Variants in SCAPER observed in about 807,000 individuals in gnomAD.
The protein encoded by SCAPER is S-phase cyclin A associated protein in the ER, also known as S phase cyclin A-associated protein in the endoplasmic reticulum.
A neutral mutation model predicts 182.2 loss-of-function variants in SCAPER; 98 were observed. That is an observed-to-expected ratio of 0.54 (90% confidence interval 0.46 to 0.64). The LOEUF (loss-of-function observed/expected upper bound fraction) is 0.64, where lower values mean the gene tolerates loss of function less well. Ranked by LOEUF, SCAPER falls within the 30% of genes least tolerant of loss-of-function variation. SCAPER has a pLI of 0.00. For synonymous variants in SCAPER, 605 were observed against 564.6 expected (o/e 1.07, Z -1.01); for missense variants, 1,432 against 1,690.0 (o/e 0.85, Z 2.68).
chr15:76,465,950 G>T (rs1490535116), intron 25 of SCAPER, among the ~76,000 whole-genome samples: 1 of 152,040 alleles, frequency 6.6e-6, no homozygotes, highest in Non-Finnish European at 1.5e-5. Context: ...ATAGTCTGAT[G>T]TGTGTTCCCT....
At chr15:76,661,621 C>A (rs2056175437) in intron 21 of SCAPER, among the ~76,000 whole-genome samples, 1 of 152,030 alleles carries the variant, frequency 6.6e-6, no homozygotes, top group South Asian at 2.1e-4. Context: ...CAAATCAAAA[C>A]CACAATGAGA....
chr15:76,705,315 G>A (rs374457113), intron 18 of SCAPER, among the ~76,000 whole-genome samples: 6 of 147,578 alleles, frequency 4.1e-5, no homozygotes, highest in South Asian at 4.3e-4. Flanking sequence ...ACCAAACACC[G>A]CATGTTCTCA....
At chr15:76,804,737 A>C in intron 5 of SCAPER, 104 bp from the exon 6 acceptor site, 1 of 599,908 alleles carries the variant, frequency 1.7e-6, no homozygotes, top group South Asian at 3.1e-5. Flanking sequence ...TTTACATTAT[A>C]CTCTTCAATG....
chr15:76,470,194 C>A (rs950335194), intron 25 of SCAPER, among the ~76,000 whole-genome samples: 8 of 152,114 alleles, frequency 5.3e-5, no homozygotes, highest in East Asian at 1.9e-4. Context: ...CTACTAAGTG[C>A]CAGGTCCTAT....
chr15:76,363,649 T>C (rs1051193269), intron 29 of SCAPER, among the ~76,000 whole-genome samples: 1 of 152,240 alleles, frequency 6.6e-6, no homozygotes, highest in African/African-American at 2.4e-5. Flanking sequence ...GTTTTACTTT[T>C]TCCCTTGTCA....
At chr15:76,582,103 C>T (rs1022708329) in intron 22 of SCAPER, among the ~76,000 whole-genome samples, 1 of 152,068 alleles carries the variant, frequency 6.6e-6, no homozygotes, top group African/African-American at 2.4e-5. Flanking sequence ...GGAAGTCCTA[C>T]CTAGACCAAT....
intron 24 of SCAPER, among the ~76,000 whole-genome samples, chr15:76,480,726 C>G (rs1226488414): frequency 6.6e-6 from 1 of 152,096 alleles, no homozygotes; most frequent in Non-Finnish European, 1.5e-5. Flanking sequence ...GCCACATTCT[C>G]CACTATTCTA....
intron 24 of SCAPER, among the ~76,000 whole-genome samples, chr15:76,488,807 C>T (rs2051962451): frequency 7.0e-6 from 1 of 142,528 alleles, no homozygotes; most frequent in South Asian, 2.3e-4. Context: ...TTCACTGCAA[C>T]CTCTGCCCCC....
intron 23 of SCAPER, among the ~76,000 whole-genome samples, chr15:76,521,456 G>C (rs1316511337): frequency 6.6e-6 from 1 of 151,968 alleles, no homozygotes; most frequent in Non-Finnish European, 1.5e-5. Flanking sequence ...GGTGGGGAGA[G>C]AGGATCTCTG....
chr15:76,812,801 A>G (rs894032233), intron 5 of SCAPER, among the ~76,000 whole-genome samples: 2 of 152,012 alleles, frequency 1.3e-5, no homozygotes, highest in Non-Finnish European at 2.9e-5. Flanking sequence ...AGTATCAAAA[A>G]CTTCCCAATG....
At chr15:76,871,526 T>C (rs2072732002) in intron 2 of SCAPER, among the ~76,000 whole-genome samples, 1 of 151,036 alleles carries the variant, frequency 6.6e-6, no homozygotes, top group South Asian at 2.1e-4. Flanking sequence ...TGGTGACTAA[T>C]TACCAAATCC....
intron 23 of SCAPER, among the ~76,000 whole-genome samples, chr15:76,531,372 T>C (rs1048903316): frequency 6.6e-6 from 1 of 152,170 alleles, no homozygotes; most frequent in East Asian, 1.9e-4. Flanking sequence ...TTGTGGCTTC[T>C]GAGTATGTGT....
intron 23 of SCAPER, among the ~76,000 whole-genome samples, chr15:76,541,720 T>C (rs889502725): frequency 2.0e-5 from 3 of 152,128 alleles, no homozygotes; most frequent in Admixed American, 1.3e-4. Context: ...GGTGGCAGAG[T>C]AATGCCTAGA....
intron 2 of SCAPER, among the ~76,000 whole-genome samples, chr15:76,872,779 T>C (rs978502654): frequency 6.6e-6 from 1 of 151,656 alleles, no homozygotes; most frequent in African/African-American, 2.4e-5. Context: ...TAAAAGAGTA[T>C]GAATACAAAC....
intron 5 of SCAPER, 39 bp from the exon 6 acceptor site, chr15:76,804,672 T>C: frequency 7.4e-7 from 1 of 1,360,356 alleles, no homozygotes; most frequent in Non-Finnish European, 1.0e-6. Flanking sequence ...AATTCCAGTC[T>C]GAGACTAAAA....
chr15:76,901,005 C>A (rs1411072152), intron 1 of SCAPER, among the ~76,000 whole-genome samples: 4 of 152,170 alleles, frequency 2.6e-5, no homozygotes, highest in African/African-American at 7.2e-5. Flanking sequence ...AATGTTGTCA[C>A]AGGCATACTC....
chr15:76,450,245 C>T (rs1168783011), intron 25 of SCAPER, among the ~76,000 whole-genome samples: 2 of 152,150 alleles, frequency 1.3e-5, no homozygotes, highest in South Asian at 2.1e-4. Context: ...AAATTACGTT[C>T]ACTTAAAATA....
At chr15:76,648,236 C>A in intron 21 of SCAPER, among the ~76,000 whole-genome samples, 1 of 147,014 alleles carries the variant, frequency 6.8e-6, no homozygotes, top group Non-Finnish European at 1.5e-5. Context: ...ATAAAATCAA[C>A]CAAATGGAAC....
At chr15:76,500,893 A>T (rs2041050403) in intron 24 of SCAPER, among the ~76,000 whole-genome samples, 1 of 152,038 alleles carries the variant, frequency 6.6e-6, no homozygotes, top group Non-Finnish European at 1.5e-5. Context: ...TACAAAAAAA[A>T]AGAGCCAGGC....
Sources: gnomAD v4.1 joint callset for allele counts (sites outside exome capture counted in the v4.1 genomes callset) on GRCh38, gnomAD v4.1.1 for gene constraint, MANE v1.5 for transcripts, NCBI Gene and HGNC (gene_info 2026-07-23, HGNC 2026-07-21) for gene names.